Variants in ENAH observed in about 807,000 individuals in gnomAD.
ENAH encodes protein enabled homolog.
Under a neutral mutation model 78.7 loss-of-function variants are expected in ENAH, and 23 were observed. The ratio of observed to expected loss-of-function variants is 0.29; its 90% CI spans 0.21 to 0.41. The LOEUF (loss-of-function observed/expected upper bound fraction) is 0.41, where lower values mean the gene tolerates loss of function less well. Among genes scored for constraint, ENAH ranks in the 10% least tolerant of loss-of-function variants. ENAH has a pLI of 1.00. For synonymous variants in ENAH, 226 were observed against 241.0 expected (o/e 0.94, Z 0.58); for missense variants, 544 against 691.0 (o/e 0.79, Z 2.39).
intron 11 of ENAH, 82 bp downstream of exon 11, chr1:225,507,869 A>G: frequency 1.0e-6 from 1 of 973,254 alleles, no homozygotes; most frequent in Non-Finnish European, 1.5e-6. Context: ...ATTTCTTACC[A>G]TTCAATTTTT....
At chr1:225,608,235 A>AAAAAAAAAAAAAC (rs2096967181) in intron 1 of ENAH, among the ~76,000 whole-genome samples, 1 of 150,986 alleles carries the variant, frequency 6.6e-6, no homozygotes, top group Non-Finnish European at 1.5e-5. Context: ...AAAAAAAAAA[A>AAAAAAAAAAAAAC]AAAGACAAAA....
rs377338959 is a variant in ENAH at position 225,545,195 on chromosome 1, T to C, written c.349+9711A>G. On this transcript the variant is annotated intron_variant, in intron 3 of 13. Coordinates refer to ENST00000366843, the MANE Select transcript of ENAH (RefSeq NM_018212.6). ...GCAAAGCTAGGCATGTCCATCTACA[T>C]TGAAGAGACAGAAAATATGGAATAA... 1.1e-3 allele frequency among the ~76,000 whole-genome samples: 161 copies of C among 152,306 alleles called. 1 individual carries two copies. In the South Asian group the frequency reaches 0.021, roughly 19 times the overall value.
At chr1:225,648,553 T>C (rs1441170217) in intron 1 of ENAH, among the ~76,000 whole-genome samples, 2 of 152,200 alleles carry the variant, frequency 1.3e-5, no homozygotes, top group Non-Finnish European at 2.9e-5. Context: ...ATTTATTCAC[T>C]TAGTAAATTC....
chr1:225,597,971 C>T (rs1239395723), intron 1 of ENAH, among the ~76,000 whole-genome samples: 1 of 148,968 alleles, frequency 6.7e-6, no homozygotes, highest in African/African-American at 2.5e-5. Flanking sequence ...ATATTCTTTT[C>T]CAGTTCTATG....
Position 225,554,830 on chromosome 1 carries a change from G to GAA in ENAH, c.349+74_349+75dup. On this transcript the variant is annotated intron_variant, in intron 3 of 13. Transcript: ENST00000366843. ...ACATACACATGGCACTTCAGTTCAA[G>GAA]AATACAAGTAAATCTTCAGTTTTGC... 3.1e-6 allele frequency: 4 copies of GAA among 1,284,878 alleles called. No individual in the cohort carries two copies. The South Asian group carries it at 8.8e-5, about 28-fold the overall frequency. 79.6% of individuals were successfully genotyped at this position (1,284,878 alleles called of 1,614,324 possible). A position where few individuals can be genotyped will look rare whatever the true frequency, so the allele number is the denominator to read the frequency against.
chr1:225,598,890 G>A (rs1036151402), intron 1 of ENAH, among the ~76,000 whole-genome samples: 3 of 151,726 alleles, frequency 2.0e-5, no homozygotes, highest in East Asian at 3.9e-4. Flanking sequence ...CACTGAGTTA[G>A]GGAGTGTTAG....
intron 1 of ENAH, among the ~76,000 whole-genome samples, chr1:225,637,584 G>T (rs1389887449): frequency 6.6e-6 from 1 of 152,206 alleles, no homozygotes; most frequent in African/African-American, 2.4e-5. Flanking sequence ...TAGGGTGACA[G>T]ATCTAGGGGG....
intron 1 of ENAH, among the ~76,000 whole-genome samples, chr1:225,570,408 T>G (rs1388559760): frequency 6.6e-6 from 1 of 151,830 alleles, no homozygotes; most frequent in East Asian, 1.9e-4. Flanking sequence ...TCCAGTGTTT[T>G]TCAGTATTTT....
chr1:225,636,088 C>G lies in ENAH; in HGVS notation c.5+16598G>C, dbSNP rs76422886. Among the ~76,000 whole-genome samples, 21 of 152,276 alleles carry G rather than the reference C, an allele frequency of 1.4e-4. No individual in the cohort carries two copies. The East Asian group carries it at 3.7e-3, about 27-fold the overall frequency. On this transcript the variant is annotated intron_variant, in intron 1 of 13. Coordinates refer to ENST00000366843, the MANE Select transcript of ENAH (RefSeq NM_018212.6). ...TCCTTTAAATAAACAAATACTGGTTCTGTTTCTCTAGAGAACCCTGGCTAA... is the reference window on the plus strand; with the variant it reads ...TCCTTTAAATAAACAAATACTGGTTGTGTTTCTCTAGAGAACCCTGGCTAA...
intron 2 of ENAH, among the ~76,000 whole-genome samples, chr1:225,559,667 G>T (rs1214767603): frequency 6.6e-6 from 1 of 152,062 alleles, no homozygotes; most frequent in Non-Finnish European, 1.5e-5. Flanking sequence ...ACAAAATCAA[G>T]TATACAGCAC....
chr1:225,545,969 G>A (rs1026141300), intron 3 of ENAH, among the ~76,000 whole-genome samples: 1 of 147,564 alleles, frequency 6.8e-6, no homozygotes, highest in Non-Finnish European at 1.5e-5. Context: ...AGCCCAGGCT[G>A]GAGTGGTGCA....
At chr1:225,544,377 T>C (rs1169288347) in intron 3 of ENAH, among the ~76,000 whole-genome samples, 9 of 152,176 alleles carry the variant, frequency 5.9e-5, no homozygotes, top group Non-Finnish European at 7.3e-5. Flanking sequence ...ATCAAGCCTA[T>C]TGTAAAATAA....
intron 1 of ENAH, among the ~76,000 whole-genome samples, chr1:225,652,161 A>T (rs1663138515): frequency 6.6e-6 from 1 of 151,904 alleles, no homozygotes; most frequent in Non-Finnish European, 1.5e-5. Context: ...ACCATCGTGA[A>T]ATTTCACCTT....
At chr1:225,608,908 A>G (rs554278974) in intron 1 of ENAH, among the ~76,000 whole-genome samples, 1 of 151,560 alleles carries the variant, frequency 6.6e-6, no homozygotes, top group South Asian at 2.1e-4. Context: ...AAGTCACTTG[A>G]GTAATGCCTT....
chr1:225,571,993 T>C (rs1364187755), intron 1 of ENAH, among the ~76,000 whole-genome samples: 1 of 152,102 alleles, frequency 6.6e-6, no homozygotes, highest in Admixed American at 6.6e-5. Flanking sequence ...AATTATCAAA[T>C]GTGGGTTGGG....
intron 1 of ENAH, among the ~76,000 whole-genome samples, chr1:225,643,471 T>C (rs1368898398): frequency 6.6e-6 from 1 of 151,942 alleles, no homozygotes; most frequent in Non-Finnish European, 1.5e-5. Context: ...GTATCAGATA[T>C]GTACACAAAG....
At chr1:225,586,186 G>A (rs995463443) in intron 1 of ENAH, among the ~76,000 whole-genome samples, 1 of 150,124 alleles carries the variant, frequency 6.7e-6, no homozygotes, top group Non-Finnish European at 1.5e-5. Context: ...CCCGGAAGGC[G>A]GAGGCTGCAG....
intron 2 of ENAH, among the ~76,000 whole-genome samples, chr1:225,563,139 C>T (rs1016308862): frequency 3.3e-5 from 5 of 152,152 alleles, no homozygotes; most frequent in African/African-American, 7.2e-5. Context: ...ATACTGATCA[C>T]GTAACCAGCA....
chr1:225,518,943 A>C (rs2096443597), intron 5 of ENAH: 2 of 517,430 alleles, frequency 3.9e-6, no homozygotes, highest in Non-Finnish European at 6.5e-6. Context: ...GCCATTTTAT[A>C]GGGTGTTAGA....
Sources: allele counts gnomAD v4.1 joint callset (sites outside exome capture counted in the v4.1 genomes callset), GRCh38; gene constraint gnomAD v4.1.1; transcripts MANE v1.5; gene names NCBI Gene and HGNC (gene_info 2026-07-23, HGNC 2026-07-21).